Variants in GNPTG observed in about 807,000 individuals in gnomAD.
GNPTG encodes the protein N-acetylglucosamine-1-phosphotransferase subunit gamma.
A neutral mutation model predicts 43.8 loss-of-function variants in GNPTG; 46 were observed. The observed-to-expected ratio is 1.05, with a 90% CI of 0.83 to 1.34. The LOEUF (loss-of-function observed/expected upper bound fraction) is 1.34, where lower values mean the gene tolerates loss of function less well. Ranked by LOEUF, GNPTG falls within the 40% of genes most tolerant of loss-of-function variation. The probability of loss-of-function intolerance (pLI) is 0.00; values close to 1 mark genes in which losing one functional copy is unlikely to be tolerated. For synonymous variants in GNPTG, 250 were observed against 172.8 expected (o/e 1.45, Z -3.50); for missense variants, 549 against 411.3 (o/e 1.33, Z -2.90).
At chr16:1,360,978 G>C (rs1018928154) in intron 3 of GNPTG, 1 of 152,404 alleles carries the variant, frequency 6.6e-6, no homozygotes, top group African/African-American at 2.4e-5. Flanking sequence ...TGTCACGCAG[G>C]CTGGAGTGCA....
At chr16:1,357,165 C>T (rs2034792941) in intron 3 of GNPTG, among the ~76,000 whole-genome samples, 1 of 152,164 alleles carries the variant, frequency 6.6e-6, no homozygotes, top group South Asian at 2.1e-4. Flanking sequence ...GTGGGTGAGC[C>T]TGGGAGTAGG....
chr16:1,358,170 G>A (rs1024774635), intron 3 of GNPTG: 22 of 152,076 alleles, frequency 1.4e-4, no homozygotes, highest in African/African-American at 4.6e-4. Flanking sequence ...CTGGAGGGTA[G>A]GGACGCTGCA....
intron 3 of GNPTG, among the ~76,000 whole-genome samples, chr16:1,354,577 C>T (rs2034738517): frequency 1.9e-5 from 1 of 51,618 alleles, no homozygotes; most frequent in South Asian, 1.0e-3. Context: ...CAGAGCAAGA[C>T]TTCGTCTCAA....
At chr16:1,358,612 T>C (rs2034819301) in intron 3 of GNPTG, among the ~76,000 whole-genome samples, 1 of 152,110 alleles carries the variant, frequency 6.6e-6, no homozygotes, top group South Asian at 2.1e-4. Context: ...TTTCTGAGAG[T>C]AGCTTTGCTG....
Position 1,362,655 on chromosome 16 carries a change from C to T in GNPTG, c.654C>T (p.Tyr218=), listed in dbSNP as rs1433167287. 4 of 1,614,008 alleles carry T rather than the reference C, an allele frequency of 2.5e-6. No homozygotes were observed. Among genetic ancestry groups the T allele is most frequent in the East Asian group, 2.2e-5 (1 of 44,880 alleles). The change falls in exon 9 of 11, where the codon TAC becomes TAT. Residue 218 remains tyrosine, a synonymous_variant. Coordinates refer to ENST00000204679, the MANE Select transcript of GNPTG (RefSeq NM_032520.5). ...GGACACTTTTTGAGGATGCTGGCTA[C>T]TTAAAGACCCCAGAAGAAAATGAAC... is the stretch of plus-strand genomic sequence containing the variant. The part of the protein sequence containing the change: ...LLRTLFEDAG[Y]LKTPEENEPT...
At chr16:1,356,087 C>G (rs1006206647) in intron 3 of GNPTG, among the ~76,000 whole-genome samples, 1 of 151,988 alleles carries the variant, frequency 6.6e-6, no homozygotes, top group Non-Finnish European at 1.5e-5. Flanking sequence ...GAGGACCACC[C>G]TTGAGAAGGG....
chr16:1,356,474 C>A (rs1297323445), intron 3 of GNPTG, among the ~76,000 whole-genome samples: 2 of 152,170 alleles, frequency 1.3e-5, no homozygotes, highest in African/African-American at 2.4e-5. Context: ...GGAGGACAGG[C>A]TGCTGAAACC....
intron 3 of GNPTG, among the ~76,000 whole-genome samples, chr16:1,356,910 AGAGTGTG>A: frequency 1.0e-4 from 1 of 9,994 alleles, no homozygotes; most frequent in South Asian, 2.8e-3. Flanking sequence ...TGTGCGGGCG[AGAGTGTG>A]CGGGCGGGGG....
chr16:1,363,358 G>C lies in GNPTG; in HGVS notation c.*267G>C, dbSNP rs2034985692. Reference sequence around the variant, plus strand: ...TAAATGATTATAAATACTACCTTCTGGGTTAAGAAAATTCCATTCAAATAA... The same window carrying C: ...TAAATGATTATAAATACTACCTTCTCGGTTAAGAAAATTCCATTCAAATAA... On this transcript the variant is annotated 3_prime_UTR_variant, in exon 11 of 11. Transcript: ENST00000204679. 4 of 462,558 alleles carry C rather than the reference G, an allele frequency of 8.6e-6. No homozygotes were observed. The highest frequency in any genetic ancestry group is 6.4e-5 in the South Asian group (3 of 46,940). 28.7% of individuals were successfully genotyped at this position (462,558 alleles called of 1,614,324 possible).
chr16:1,359,385 C>T (rs1425865839), intron 3 of GNPTG, among the ~76,000 whole-genome samples: 2 of 152,204 alleles, frequency 1.3e-5, no homozygotes, highest in African/African-American at 4.8e-5. Flanking sequence ...TCTCCTGCCT[C>T]AGCCTCCCGA....
intron 3 of GNPTG, among the ~76,000 whole-genome samples, chr16:1,355,853 G>A (rs1041305524): frequency 4.6e-5 from 7 of 152,094 alleles, no homozygotes; most frequent in South Asian, 2.1e-4. Context: ...AGTTGCAGGG[G>A]TCAGGCTGGG....
At position 1,362,128 on chromosome 16, in the gene GNPTG, C is replaced by T. The variant is rs764279342; in HGVS notation, c.408C>T (p.Ser136=). ...GDACRSRSRQ[S]KVELACGKSN... ...CCTGCCGTTCCCGGAGCCGGCAGAGCAAGGTGGGGCCTCAGACGGGAGCCC... is the reference window on the plus strand; with the variant it reads ...CCTGCCGTTCCCGGAGCCGGCAGAGTAAGGTGGGGCCTCAGACGGGAGCCC... Residue 136 remains serine (S), a synonymous_variant, in exon 6 of 11, where the codon AGC becomes AGT. Coordinates refer to ENST00000204679, the MANE Select transcript of GNPTG (RefSeq NM_032520.5). 1.2e-6 allele frequency: 2 copies of T among 1,612,336 alleles called. No individual in the cohort carries two copies. Among genetic ancestry groups the T allele is most frequent in the African/African-American group, 1.3e-5 (1 of 74,916 alleles).
In GNPTG at chr16:1,362,307, C is replaced by T. The variant is rs779213852; in HGVS notation, c.513C>T (p.Pro171=). Residue 171 remains proline, a synonymous_variant, in exon 7 of 11, where the codon CCC becomes CCT. Transcript: ENST00000204679. ...LTFETPLVCH[P]HALLVYPTLP... is the part of the protein sequence containing the mutation. ...TCGAGACCCCCCTCGTCTGCCACCC[C>T]CACGCCTTGCTAGGTAGGGGTGCGG... The T allele has an allele frequency of 1.1e-5, 17 of 1,612,996 alleles. No individual in the cohort carries two copies. The highest frequency in any genetic ancestry group is 1.4e-5 in the Non-Finnish European group (17 of 1,179,918).
chr16:1,362,074 C>T lies in GNPTG; in HGVS notation c.354C>T (p.Phe118=). 6.2e-7 allele frequency: 1 copy of T among 1,612,410 alleles called. No individual in the cohort carries two copies. The highest frequency in any genetic ancestry group is 8.5e-7 in the Non-Finnish European group (1 of 1,179,584). Residue 118 remains phenylalanine (F), a synonymous_variant, in exon 6 of 11, where the codon TTC becomes TTT. Transcript: ENST00000204679. ...AGTGGGAGATCGCCAACAACACCTT[C>T]ACGGGCATGTGGATGAGGGACGGTG... is the stretch of plus-strand genomic sequence containing the variant. ...WHEWEIANNT[F]TGMWMRDGDA...
intron 3 of GNPTG, among the ~76,000 whole-genome samples, chr16:1,359,559 C>T (rs1290767037): frequency 1.3e-5 from 2 of 152,156 alleles, no homozygotes; most frequent in South Asian, 2.1e-4. Flanking sequence ...TGAGACCCTG[C>T]GCCCGGCCTC....
At chr16:1,353,168 T>G (rs567166753) in intron 3 of GNPTG, among the ~76,000 whole-genome samples, 63 of 152,258 alleles carry the variant, frequency 4.1e-4, no homozygotes, top group Middle Eastern at 3.4e-3. Flanking sequence ...AGATAGGGTT[T>G]ATTTCACCGT....
Position 1,354,413 on chromosome 16 carries a change from T to TA in GNPTG, c.178+2115dup, listed in dbSNP as rs202148440. Among the ~76,000 whole-genome samples, 1,240 of 151,204 alleles carry TA rather than the reference T, an allele frequency of 8.2e-3. 13 individuals carry two copies. The highest frequency in any genetic ancestry group is 0.027 in the African/African-American group (1,128 of 41,224). ...CAACATGGTGAAACCCCGTCTCTAC[T>TA]AAAAAAAACCACAAAAACAAAAGTT... On this transcript the variant is annotated intron_variant, in intron 3 of 10. Coordinates refer to ENST00000204679, the MANE Select transcript of GNPTG (RefSeq NM_032520.5).
intron 3 of GNPTG, chr16:1,361,403 G>C: frequency 2.9e-6 from 1 of 347,946 alleles, no homozygotes; most frequent in Non-Finnish European, 5.6e-6. Flanking sequence ...CCAGCACTTT[G>C]GGAGGCCGAG....
intron 10 of GNPTG, 45 bp downstream of exon 10, chr16:1,362,951 C>G: frequency 1.2e-6 from 2 of 1,612,916 alleles, no homozygotes; most frequent in Non-Finnish European, 1.7e-6. Flanking sequence ...ATCACACTCG[C>G]CACCTGTGGG....
Sources: allele counts gnomAD v4.1 joint callset (sites outside exome capture counted in the v4.1 genomes callset), GRCh38; gene constraint gnomAD v4.1.1; transcripts MANE v1.5; gene names NCBI Gene and HGNC (gene_info 2026-07-23, HGNC 2026-07-21).